EYA4: variants seen among roughly 807,000 people sequenced by gnomAD.
EYA4 encodes protein phosphatase EYA4.
A neutral mutation model predicts 87.9 loss-of-function variants in EYA4; 31 were observed. That is an observed-to-expected ratio of 0.35 (90% CI 0.27 to 0.48). The LOEUF (loss-of-function observed/expected upper bound fraction) is 0.48, where lower values mean the gene tolerates loss of function less well. EYA4 is among the 20% of genes least tolerant of loss of function. EYA4 has a pLI of 0.99. For missense variants in EYA4, 678 were observed against 761.4 expected (o/e 0.89, Z 1.29); for synonymous variants, 263 against 270.6 (o/e 0.97, Z 0.28).
chr6:133,323,609 A>G (rs948964861), intron 2 of EYA4, among the ~76,000 whole-genome samples: 1 of 152,096 alleles, frequency 6.6e-6, no homozygotes, highest in African/African-American at 2.4e-5. Context: ...TTTTGCATAT[A>G]TGTAATAAAA....
chr6:133,344,623 C>T (rs533121402), intron 2 of EYA4, among the ~76,000 whole-genome samples: 1 of 152,088 alleles, frequency 6.6e-6, no homozygotes, highest in Admixed American at 6.5e-5. Flanking sequence ...AATGAGCTGG[C>T]ATTTGAAATG....
chr6:133,249,193 A>G (rs980648103), intron 1 of EYA4, among the ~76,000 whole-genome samples: 8 of 152,178 alleles, frequency 5.3e-5, no homozygotes, highest in Admixed American at 2.6e-4. Flanking sequence ...TTTACATACC[A>G]TTCCCAGGAA....
chr6:133,382,194 C>T (rs1562354416), intron 2 of EYA4, among the ~76,000 whole-genome samples, 198 bp from the exon 3 acceptor site: 1 of 152,010 alleles, frequency 6.6e-6, no homozygotes, highest in Non-Finnish European at 1.5e-5. Flanking sequence ...CTAATGGAGT[C>T]CAGGGAAGTG....
At chr6:133,246,542 C>T (rs755983248) in intron 1 of EYA4, among the ~76,000 whole-genome samples, 2 of 151,378 alleles carry the variant, frequency 1.3e-5, no homozygotes, top group African/African-American at 4.9e-5. Flanking sequence ...AGTGAAATTG[C>T]GTTAAACCAA....
chr6:133,309,965 T>A (rs1780094926), intron 2 of EYA4, among the ~76,000 whole-genome samples: 1 of 152,118 alleles, frequency 6.6e-6, no homozygotes, highest in South Asian at 2.1e-4. Flanking sequence ...AAGAAGGGTA[T>A]CTCTATGATT....
chr6:133,385,143 C>A (rs1335866701), intron 3 of EYA4, among the ~76,000 whole-genome samples: 4 of 151,298 alleles, frequency 2.6e-5, no homozygotes, highest in Admixed American at 2.0e-4. Flanking sequence ...ACTAAAAAAA[C>A]AAAAAATTAG....
intron 3 of EYA4, among the ~76,000 whole-genome samples, chr6:133,424,191 C>G (rs1191587070): frequency 6.6e-6 from 1 of 152,340 alleles, no homozygotes; most frequent in African/African-American, 2.4e-5. Flanking sequence ...ATGCCCTGCT[C>G]TGGCTGAGCC....
intron 2 of EYA4, among the ~76,000 whole-genome samples, chr6:133,347,086 G>A (rs548655012): frequency 1.4e-4 from 22 of 152,288 alleles, no homozygotes; most frequent in African/African-American, 5.3e-4. Context: ...CATGGGGAGG[G>A]CTTTGGAGAA....
chr6:133,248,144 T>C (rs1457092693), intron 1 of EYA4: 2 of 152,140 alleles, frequency 1.3e-5, no homozygotes, highest in East Asian at 1.9e-4. Flanking sequence ...CCTGCAAAGG[T>C]TGACTTTATT....
At chr6:133,303,473 C>A (rs937886591) in intron 2 of EYA4, among the ~76,000 whole-genome samples, 5 of 152,088 alleles carry the variant, frequency 3.3e-5, no homozygotes, top group Non-Finnish European at 7.4e-5. Flanking sequence ...GTGGTATGAA[C>A]CTGGAGAGAC....
At chr6:133,293,280 A>G (rs1432201431) in intron 2 of EYA4, among the ~76,000 whole-genome samples, 1 of 152,186 alleles carries the variant, frequency 6.6e-6, no homozygotes, top group Non-Finnish European at 1.5e-5. Context: ...TATGAGACAC[A>G]TCACCTGCAG....
intron 2 of EYA4, among the ~76,000 whole-genome samples, chr6:133,327,807 C>T (rs555137009): frequency 2.0e-4 from 30 of 152,160 alleles, no homozygotes; most frequent in Non-Finnish European, 3.8e-4. Context: ...CCTATGTTTA[C>T]GGATGAGAGA....
intron 2 of EYA4, among the ~76,000 whole-genome samples, chr6:133,338,849 CTT>C (rs11298929): frequency 0.25 from 37,671 of 148,890 alleles, 5,609 homozygotes; most frequent in Middle Eastern, 0.36. Context: ...CCAATTGCTT[CTT>C]TTTTTTTTTT....
intron 2 of EYA4, among the ~76,000 whole-genome samples, chr6:133,342,141 A>G (rs771075220): frequency 9.2e-5 from 14 of 152,040 alleles, no homozygotes; most frequent in Non-Finnish European, 1.6e-4. Flanking sequence ...ATAAAATTAC[A>G]GACAGTGAGT....
At chr6:133,489,346 T>C (rs1310510671) in intron 13 of EYA4, among the ~76,000 whole-genome samples, 2 of 152,010 alleles carry the variant, frequency 1.3e-5, no homozygotes, top group Non-Finnish European at 2.9e-5. Flanking sequence ...TTGAAAAGGA[T>C]AATAACAGAG....
In EYA4 at chr6:133,330,341, A is replaced by G. The variant is rs1309801802; in HGVS notation, c.34-52051A>G. 3.3e-5 allele frequency among the ~76,000 whole-genome samples: 5 copies of G among 152,078 alleles called. No individual in the cohort carries two copies. In the South Asian group the frequency reaches 8.3e-4, roughly 25 times the overall value. ...CCAATGAATATAGTGTGTGAAAGAT[A>G]TGACAGCACAATTGATTGCTCTGTA... On this transcript the variant is annotated intron_variant, in intron 2 of 19. Transcript: ENST00000355286.
At chr6:133,505,877 T>C (rs1222224272) in intron 13 of EYA4, among the ~76,000 whole-genome samples, 1 of 152,212 alleles carries the variant, frequency 6.6e-6, no homozygotes, top group African/African-American at 2.4e-5. Flanking sequence ...TGAAAATGTA[T>C]GCTGAGTCAT....
At chr6:133,527,122 G>T (rs1405369237) in intron 19 of EYA4, among the ~76,000 whole-genome samples, 6 of 152,168 alleles carry the variant, frequency 3.9e-5, no homozygotes, top group Non-Finnish European at 8.8e-5. Context: ...TGTTTATGTA[G>T]GTACAGTTTT....
chr6:133,332,359 G>A (rs2128386631), intron 2 of EYA4, among the ~76,000 whole-genome samples: 1 of 152,270 alleles, frequency 6.6e-6, no homozygotes, highest in South Asian at 2.1e-4. Flanking sequence ...ACTAAACTCT[G>A]AAATCTTTAA....
Sources: allele counts gnomAD v4.1 joint callset (sites outside exome capture counted in the v4.1 genomes callset), GRCh38; gene constraint gnomAD v4.1.1; transcripts MANE v1.5; gene names NCBI Gene and HGNC (gene_info 2026-07-23, HGNC 2026-07-21).